The following GLIS3 variants were observed in gnomAD, a reference collection of about 807,000 sequenced individuals.
The protein encoded by GLIS3 is zinc finger protein GLIS3.
GLIS3 carries 53 observed loss-of-function variants against 78.6 expected under a neutral mutation model. The ratio of observed to expected loss-of-function variants is 0.67; its 90% CI spans 0.54 to 0.85. The LOEUF is 0.85. Ranked by LOEUF, GLIS3 falls within the 40% of genes least tolerant of loss-of-function variation. The pLI is 0.00. For missense variants in GLIS3, 1,703 were observed against 1,231.1 expected, an observed-to-expected ratio of 1.38 and a Z score of -5.74; for synonymous variants, 684 against 509.9, an observed-to-expected ratio of 1.34 and a Z score of -4.60.
intron 4 of GLIS3, among the ~76,000 whole-genome samples, chr9:4,025,474 G>A (rs374729207): frequency 2.4e-4 from 36 of 152,128 alleles, no homozygotes; most frequent in African/African-American, 6.3e-4. Context: ...CGCAACCTCC[G>A]ACTCCCTGGT....
chr9:3,852,533 C>T (rs1444022202), intron 9 of GLIS3, among the ~76,000 whole-genome samples: 1 of 152,180 alleles, frequency 6.6e-6, no homozygotes, highest in Non-Finnish European at 1.5e-5. Context: ...TCAATAAATG[C>T]AACTCATTAA....
intron 4 of GLIS3, among the ~76,000 whole-genome samples, chr9:3,992,678 A>G (rs1203406131): frequency 6.6e-6 from 1 of 152,200 alleles, no homozygotes; most frequent in East Asian, 1.9e-4. Context: ...TTTTTTAAAA[A>G]TTTTCATCGT....
At chr9:4,340,069 A>G (rs1053084139) in intron 2 of GLIS3, among the ~76,000 whole-genome samples, 2 of 151,626 alleles carry the variant, frequency 1.3e-5, no homozygotes, top group Non-Finnish European at 2.9e-5. Context: ...CAGTGAATTC[A>G]CCATGTCCTC....
At chr9:4,369,833 AT>A in the GLIS3 span, among the ~76,000 whole-genome samples, 1 of 152,224 alleles carries the variant, frequency 6.6e-6, no homozygotes, top group African/African-American at 2.4e-5. Flanking sequence ...GCCAAAAAAA[AT>A]AAACAGTTAA....
At chr9:4,049,193 C>G (rs1049188775) in intron 4 of GLIS3, among the ~76,000 whole-genome samples, 2 of 152,106 alleles carry the variant, frequency 1.3e-5, no homozygotes, top group Non-Finnish European at 1.5e-5. Flanking sequence ...GTCTAGGATA[C>G]AGAGAGATTT....
chr9:4,330,467 A>C (rs909400394), intron 2 of GLIS3, among the ~76,000 whole-genome samples: 1 of 152,252 alleles, frequency 6.6e-6, no homozygotes, highest in Non-Finnish European at 1.5e-5. Context: ...GTTAATTAAA[A>C]AGCGAAAGAC....
the GLIS3 span, among the ~76,000 whole-genome samples, chr9:4,371,580 G>A: frequency 6.6e-6 from 1 of 152,026 alleles, no homozygotes; most frequent in Non-Finnish European, 1.5e-5. Context: ...CTAACCCCCA[G>A]CCTGTGCCCC....
chr9:4,389,390 C>G, the GLIS3 span, among the ~76,000 whole-genome samples: 2 of 152,094 alleles, frequency 1.3e-5, no homozygotes, highest in South Asian at 4.1e-4. Flanking sequence ...GACTTACAGC[C>G]CAGAACTCGT....
intron 4 of GLIS3, among the ~76,000 whole-genome samples, chr9:4,029,684 C>G (rs530713520): frequency 1.3e-4 from 20 of 152,126 alleles, no homozygotes; most frequent in African/African-American, 4.6e-4. Flanking sequence ...TTAGATCCCA[C>G]AAATAAGTCA....
Position 4,346,602 on chromosome 9 carries a change from A to T in GLIS3, n.264+479T>A, listed in dbSNP as rs545059600. Among the ~76,000 whole-genome samples, 3 of 152,334 alleles carry T rather than the reference A, an allele frequency of 2.0e-5. No homozygotes were observed. In the South Asian group the frequency reaches 6.2e-4, roughly 32 times the overall value. On this transcript the variant is annotated intron_variant and non_coding_transcript_variant, in intron 2 of 4. Transcript: ENST00000471664. ...AATTGCCAGTCTCAGTTGCACCTTT[A>T]TGGCCATCCTTGGTCAGCTTCTCTA...
chr9:4,296,832 G>A (rs998220722), intron 1 of GLIS3, among the ~76,000 whole-genome samples: 1 of 147,712 alleles, frequency 6.8e-6, no homozygotes, highest in Non-Finnish European at 1.5e-5. Flanking sequence ...CTGCGCAGAT[G>A]ACCAGTGAAA....
At chr9:4,117,681 T>C in intron 4 of GLIS3, 87 bp downstream of exon 4, 1 of 1,516,566 alleles carries the variant, frequency 6.6e-7, no homozygotes, top group Non-Finnish European at 9.2e-7. Context: ...GCATGCAAAC[T>C]CCATGGGCCG....
the GLIS3 span, among the ~76,000 whole-genome samples, chr9:4,396,635 T>C: frequency 1.3e-5 from 2 of 152,252 alleles, no homozygotes; most frequent in Non-Finnish European, 2.9e-5. Flanking sequence ...CAGTGATTCT[T>C]AACCATTTTT....
chr9:4,349,538 C>G (rs908617188), upstream of GLIS3, among the ~76,000 whole-genome samples: 4 of 151,998 alleles, frequency 2.6e-5, no homozygotes, highest in African/African-American at 9.7e-5. Flanking sequence ...TCCCTGTATG[C>G]TAGATGACCA....
chr9:4,366,508 C>A, the GLIS3 span, among the ~76,000 whole-genome samples: 1 of 152,214 alleles, frequency 6.6e-6, no homozygotes, highest in Non-Finnish European at 1.5e-5. Flanking sequence ...AAGACACTGC[C>A]TCTCTGTTTC....
At chr9:3,972,918 C>T (rs1293973043) in intron 4 of GLIS3, among the ~76,000 whole-genome samples, 2 of 152,110 alleles carry the variant, frequency 1.3e-5, no homozygotes, top group Admixed American at 6.5e-5. Context: ...TCTTCTGACG[C>T]TGATTGCAAG....
intron 2 of GLIS3, among the ~76,000 whole-genome samples, chr9:4,146,376 A>G (rs986113394): frequency 7.2e-5 from 11 of 152,212 alleles, no homozygotes; most frequent in African/African-American, 2.7e-4. Context: ...TTTTTCATCA[A>G]TAATTAGTAT....
At chr9:3,927,041 G>A (rs1306564339) in intron 6 of GLIS3, among the ~76,000 whole-genome samples, 1 of 152,146 alleles carries the variant, frequency 6.6e-6, no homozygotes, top group Non-Finnish European at 1.5e-5. Context: ...ATCCGTATCA[G>A]TTCCCTTATT....
At chr9:4,206,413 T>C (rs571964193) in intron 2 of GLIS3, among the ~76,000 whole-genome samples, 1 of 152,352 alleles carries the variant, frequency 6.6e-6, no homozygotes, top group East Asian at 1.9e-4. Context: ...AAGAGGCTTA[T>C]TTTCTATTAC....
Sources: gnomAD v4.1 joint callset for allele counts (sites outside exome capture counted in the v4.1 genomes callset) on GRCh38, gnomAD v4.1.1 for gene constraint, MANE v1.5 for transcripts, NCBI Gene and HGNC (gene_info 2026-07-23, HGNC 2026-07-21) for gene names.